RP1: variants seen among roughly 807,000 people sequenced by gnomAD.
RP1 encodes RP1 axonemal microtubule associated.
A neutral mutation model predicts 14.8 loss-of-function variants in RP1; 16 were observed. The observed-to-expected ratio is 1.08, with a 90% confidence interval of 0.73 to 1.65. The LOEUF is 1.65. RP1 is among the 40% of genes most tolerant of loss of function. RP1 has a pLI of 0.00. For synonymous variants in RP1, 876 were observed against 883.6 expected, an observed-to-expected ratio of 0.99 and a Z score of 0.15; for missense variants, 2,631 against 2,535.0, an observed-to-expected ratio of 1.04 and a Z score of -0.81.
chr8:54,677,253 G>T (rs983941233), intron 8 of RP1, among the ~76,000 whole-genome samples: 13 of 152,100 alleles, frequency 8.5e-5, no homozygotes, highest in Admixed American at 8.5e-4. Context: ...TACTGAATTA[G>T]AAACTGTGGA....
chr8:54,618,939 G>A (rs1362080572), intron 1 of RP1, among the ~76,000 whole-genome samples: 5 of 152,216 alleles, frequency 3.3e-5, no homozygotes, highest in East Asian at 1.9e-4. Context: ...GGGATTGCAC[G>A]TGTGAGCCAC....
At chr8:54,734,529 CT>C (rs1449275558) in intron 17 of RP1, 8 of 1,527,238 alleles carry the variant, frequency 5.2e-6, no homozygotes, top group Non-Finnish European at 6.1e-6. Context: ...GCCACTAATG[CT>C]TTTTTCCCCC....
chr8:54,569,829 G>C (rs187211280), intron 1 of RP1, among the ~76,000 whole-genome samples: 2 of 152,140 alleles, frequency 1.3e-5, no homozygotes, highest in African/African-American at 4.8e-5. Context: ...CACAGACGAC[G>C]TACCGCATGA....
chr8:54,627,331 C>G lies in RP1; in HGVS notation c.3449C>G (p.Ala1150Gly), dbSNP rs1007629051. 5 of 1,614,136 alleles carry G rather than the reference C, an allele frequency of 3.1e-6. No homozygotes were observed. Among genetic ancestry groups the G allele is most frequent in the Non-Finnish European group, 4.2e-6 (5 of 1,179,982 alleles). The part of the protein sequence containing the change: ...GSMNSFCQVD[A>G]HKATNKSSET... ...ATGAATAGCTTCTGTCAAGTTGATG[C>G]TCACAAGGCTACCAACAAATCTTCA... The change falls in exon 4 of 4, where the codon GCT becomes GGT. Residue 1150 changes from alanine to glycine, a missense_variant. Physicochemically the swap from Ala to Gly is moderately conservative, Grantham distance 60. Transcript: ENST00000220676.
chr8:54,636,939 G>C (rs904270258), intron 3 of RP1, among the ~76,000 whole-genome samples: 1 of 152,198 alleles, frequency 6.6e-6, no homozygotes, highest in Non-Finnish European at 1.5e-5. Flanking sequence ...AGGACCAAGA[G>C]AAAGTTCTCT....
rs574197788 is a variant in RP1 at position 54,648,445 on chromosome 8, A to G, written c.788-540A>G. Reference sequence around the variant, plus strand: ...ATACTTCTGTTTGTAGGATTTAGTTACTTTATTAATTGGGGATACTTAAAA... The same window carrying G: ...ATACTTCTGTTTGTAGGATTTAGTTGCTTTATTAATTGGGGATACTTAAAA... On this transcript the variant is annotated intron_variant, in intron 3 of 22. Transcript: ENST00000636932. Among the ~76,000 whole-genome samples, 5 of 152,306 alleles carry G rather than the reference A, an allele frequency of 3.3e-5. 1 individual carries two copies. In the East Asian group the frequency reaches 9.6e-4, roughly 29 times the overall value.
At chr8:54,796,354 G>A (rs1404628093) in intron 24 of RP1, among the ~76,000 whole-genome samples, 2 of 152,180 alleles carry the variant, frequency 1.3e-5, no homozygotes, top group Non-Finnish European at 2.9e-5. Flanking sequence ...GGGAAGCAAA[G>A]AGACAAAAGT....
At chr8:54,620,403 G>A (rs1805826514) in intron 1 of RP1, among the ~76,000 whole-genome samples, 1 of 152,222 alleles carries the variant, frequency 6.6e-6, no homozygotes, top group Non-Finnish European at 1.5e-5. Context: ...GGAGGAATAG[G>A]TTATTCCATA....
At chr8:54,848,217 C>G (rs1420083422) in intron 25 of RP1, among the ~76,000 whole-genome samples, 1 of 152,138 alleles carries the variant, frequency 6.6e-6, no homozygotes, top group African/African-American at 2.4e-5. Context: ...GGAGCTGAGG[C>G]AGCAGGTGGA....
rs1360316531 is a variant in RP1 at position 54,807,470 on chromosome 8, G to A, written c.3615+23760G>A. ...GACCACATATGTGTAAATGCATGCTGTATTCAATGTGTGTTTCTGATGCTT... is the reference window on the plus strand; with the variant it reads ...GACCACATATGTGTAAATGCATGCTATATTCAATGTGTGTTTCTGATGCTT... On this transcript the variant is annotated intron_variant, in intron 24 of 28. Coordinates refer to the RP1 transcript ENST00000637698. 2.6e-5 allele frequency among the ~76,000 whole-genome samples: 4 copies of A among 152,216 alleles called. No individual in the cohort carries two copies. In the East Asian group the frequency reaches 5.8e-4, roughly 22 times the overall value.
At chr8:54,763,858 G>A (rs1464012741) in intron 22 of RP1, among the ~76,000 whole-genome samples, 1 of 152,146 alleles carries the variant, frequency 6.6e-6, no homozygotes, top group Non-Finnish European at 1.5e-5. Context: ...TGACATTGCA[G>A]TTAACACCTT....
intron 24 of RP1, among the ~76,000 whole-genome samples, chr8:54,824,147 A>G (rs1293573441): frequency 6.6e-6 from 1 of 151,270 alleles, no homozygotes; most frequent in Non-Finnish European, 1.5e-5. Context: ...TTTTTTTAAT[A>G]TTGAGCTTTT....
intron 17 of RP1, among the ~76,000 whole-genome samples, chr8:54,727,751 C>T (rs1238869122): frequency 2.6e-5 from 4 of 151,744 alleles, no homozygotes; most frequent in African/African-American, 9.7e-5. Flanking sequence ...TTGGTCTCTA[C>T]CCTCTTGAAT....
At chr8:54,659,185 C>T (rs1585586319) in intron 6 of RP1, among the ~76,000 whole-genome samples, 1 of 152,146 alleles carries the variant, frequency 6.6e-6, no homozygotes, top group Non-Finnish European at 1.5e-5. Context: ...CTTGTTTACA[C>T]TAATGATTGT....
intron 24 of RP1, among the ~76,000 whole-genome samples, chr8:54,799,983 T>G (rs1485988020): frequency 6.6e-6 from 1 of 152,138 alleles, no homozygotes; most frequent in East Asian, 1.9e-4. Flanking sequence ...ACCACAATCC[T>G]TCAGTAAGAA....
intron 27 of RP1, among the ~76,000 whole-genome samples, chr8:54,862,103 C>A (rs1812354911): frequency 6.6e-6 from 1 of 152,096 alleles, no homozygotes; most frequent in African/African-American, 2.4e-5. Context: ...GAGAGTCACA[C>A]AACAAAGAAT....
intron 28 of RP1, among the ~76,000 whole-genome samples, chr8:54,866,437 C>T (rs1812461001): frequency 2.6e-5 from 4 of 152,158 alleles, no homozygotes; most frequent in South Asian, 2.1e-4. Flanking sequence ...ATTCCTTGGC[C>T]GGGTGGTCAT....
intron 1 of RP1, among the ~76,000 whole-genome samples, chr8:54,599,657 G>A (rs1805229832): frequency 1.3e-5 from 2 of 152,042 alleles, no homozygotes. Context: ...GTTTCATCAT[G>A]TTGGCCAGGC....
chr8:54,620,533 T>C (rs1246095755), intron 1 of RP1, among the ~76,000 whole-genome samples: 1 of 152,216 alleles, frequency 6.6e-6, no homozygotes, highest in Non-Finnish European at 1.5e-5. Flanking sequence ...TGTTAAGCAA[T>C]GTGACTGTAC....
Sources: gnomAD v4.1 joint callset for allele counts (sites outside exome capture counted in the v4.1 genomes callset) on GRCh38, gnomAD v4.1.1 for gene constraint, MANE v1.5 for transcripts, NCBI Gene and HGNC (gene_info 2026-07-23, HGNC 2026-07-21) for gene names.